The following RASSF5 variants were observed in gnomAD, a reference collection of about 807,000 sequenced individuals.
RASSF5 encodes ras association domain-containing protein 5.
A neutral mutation model predicts 40.5 loss-of-function variants in RASSF5; 25 were observed. The observed-to-expected ratio is 0.62, with a 90% CI of 0.45 to 0.86. The LOEUF is 0.86. Among genes scored for constraint, RASSF5 ranks in the 40% least tolerant of loss-of-function variants. The probability of loss-of-function intolerance (pLI) is 0.00; values close to 1 mark genes in which losing one functional copy is unlikely to be tolerated. For missense variants in RASSF5, 521 were observed against 572.8 expected (o/e 0.91, Z 0.92); for synonymous variants, 246 against 252.4 (o/e 0.97, Z 0.24).
At chr1:206,585,119 A>G in intron 4 of RASSF5, 61 bp from the exon 5 acceptor site, 1 of 1,292,898 alleles carries the variant, frequency 7.7e-7, no homozygotes, top group South Asian at 1.2e-5. Flanking sequence ...CCTTTCCCGC[A>G]AGCCTGGGCC....
chr1:206,555,762 C>CCAGGCACTCG (rs1205278644), intron 2 of RASSF5, among the ~76,000 whole-genome samples: 4 of 152,200 alleles, frequency 2.6e-5, no homozygotes, highest in African/African-American at 9.7e-5. Flanking sequence ...TTTGTGCCTG[C>CCAGGCACTCG]CAGGCACTCG....
At position 206,587,876 on chromosome 1, in the gene RASSF5, TG is replaced by T. The variant is rs1669183588; in HGVS notation, c.*899del. ...GCAATGCAGAGAAAGGTGTCCAAGCTGTCTTCAGCCTTCCCCAGCTAAAGAG... is the reference window on the plus strand; with the variant it reads ...GCAATGCAGAGAAAGGTGTCCAAGCTTCTTCAGCCTTCCCCAGCTAAAGAG... On this transcript the variant is annotated 3_prime_UTR_variant, in exon 6 of 6. Coordinates refer to ENST00000579436, the MANE Select transcript of RASSF5 (RefSeq NM_182663.4). The T allele has an allele frequency of 6.5e-6, 1 of 152,864 alleles. No individual in the cohort carries two copies. The highest frequency in any genetic ancestry group is 1.5e-5 in the Non-Finnish European group (1 of 68,112). The allele number at this position is 152,864 out of a possible 1,614,324, so 9.5% of individuals were successfully genotyped here.
Position 206,507,826 on chromosome 1 carries a change from G to A in RASSF5, c.224G>A (p.Arg75Gln), listed in dbSNP as rs1228541045. Residue 75 changes from arginine (R) to glutamine (Q), a missense_variant, in exon 1 of 6, where the codon CGG becomes CAG. By Grantham distance (43) the Arg-to-Gln change is conservative. Around this residue, in one of 2 missense-constraint regions of RASSF5, gnomAD observed 237 missense variants for 212.0 expected, o/e 1.12. Transcript: ENST00000579436. ...AARGNLEPPP[R>Q]ASRPARPLRP... ...CGGGGGAACCTGGAGCCCCCGCCCC[G>A]GGCCTCCCGACCCGCTCGCCCGCTC... is the stretch of plus-strand genomic sequence containing the variant. 1.4e-5 allele frequency: 20 copies of A among 1,420,742 alleles called. No individual in the cohort carries two copies. In the Middle Eastern group the frequency reaches 7.4e-4, roughly 53 times the overall value. 88.0% of individuals were successfully genotyped at this position (1,420,742 alleles called of 1,614,324 possible).
intron 1 of RASSF5, among the ~76,000 whole-genome samples, chr1:206,519,471 G>T (rs766512536): frequency 2.0e-4 from 30 of 152,196 alleles, no homozygotes; most frequent in Non-Finnish European, 3.7e-4. Flanking sequence ...ATGGGAAGGG[G>T]ATTATTCTGT....
At position 206,531,447 on chromosome 1, in the gene RASSF5, G is replaced by A. The variant is rs1667234856; in HGVS notation, c.458-6725G>A. 6.6e-6 allele frequency among the ~76,000 whole-genome samples: 1 copy of A among 152,204 alleles called. No individual in the cohort carries two copies. The highest frequency in any genetic ancestry group is 2.4e-5 in the African/African-American group (1 of 41,450). On this transcript the variant is annotated intron_variant, in intron 1 of 5. Coordinates refer to ENST00000579436, the MANE Select transcript of RASSF5 (RefSeq NM_182663.4). This position sits in a 1 kb window ranked among gnomAD's most constrained non-coding sequence, Gnocchi z 4.7. ...CATCTTGGGGCCAGGTTGAGAGGCG[G>A]TATCCTAGCTGGGGGAGCTGGCAGG...
chr1:206,538,925 A>T (rs372133418), intron 2 of RASSF5, among the ~76,000 whole-genome samples: 3 of 152,232 alleles, frequency 2.0e-5, no homozygotes, highest in African/African-American at 7.2e-5. Context: ...AATAAATGCT[A>T]CGTCACAATT....
chr1:206,582,484 T>C (rs1228258040), intron 2 of RASSF5, among the ~76,000 whole-genome samples: 2 of 152,204 alleles, frequency 1.3e-5, no homozygotes, highest in African/African-American at 4.8e-5. Context: ...GGTAATAAAC[T>C]ATCTTACAGA....
intron 2 of RASSF5, among the ~76,000 whole-genome samples, chr1:206,569,734 T>A (rs868992005): frequency 2.6e-4 from 39 of 152,360 alleles, no homozygotes; most frequent in Middle Eastern, 3.4e-3. Context: ...TCTGTGCCCC[T>A]GACCTTTCTG....
intron 1 of RASSF5, among the ~76,000 whole-genome samples, chr1:206,532,099 A>G (rs1477443838): frequency 1.3e-5 from 2 of 152,152 alleles, no homozygotes; most frequent in African/African-American, 4.8e-5. Flanking sequence ...TCCAATGCAT[A>G]TTATTTTTTC....
chr1:206,508,170 G>A, intron 1 of RASSF5, 111 bp downstream of exon 1: 1 of 838,094 alleles, frequency 1.2e-6, no homozygotes, highest in Non-Finnish European at 1.7e-6. Flanking sequence ...TTGGCTCCAG[G>A]GGAGCCCCGA....
chr1:206,553,379 G>C (rs941847430), intron 2 of RASSF5, among the ~76,000 whole-genome samples: 2 of 152,140 alleles, frequency 1.3e-5, no homozygotes, highest in Non-Finnish European at 2.9e-5. Context: ...GCAATAAAAA[G>C]GTAGGGGGTT....
At chr1:206,519,754 T>C (rs1331888182) in intron 1 of RASSF5, among the ~76,000 whole-genome samples, 1 of 152,210 alleles carries the variant, frequency 6.6e-6, no homozygotes, top group East Asian at 1.9e-4. Flanking sequence ...TTTTTAAAAA[T>C]AGGATCTTGA....
chr1:206,574,555 A>T (rs1668565055), intron 2 of RASSF5, among the ~76,000 whole-genome samples: 1 of 152,036 alleles, frequency 6.6e-6, no homozygotes, highest in African/African-American at 2.4e-5. Context: ...AATACACCCT[A>T]CCAGAGCTGC....
chr1:206,570,960 T>C (rs142741341), intron 2 of RASSF5, among the ~76,000 whole-genome samples: 331 of 152,296 alleles, frequency 2.2e-3, no homozygotes, highest in African/African-American at 7.7e-3. Context: ...CCCAGAAGTG[T>C]AATTGCTGGA....
At position 206,507,815 on chromosome 1, in the gene RASSF5, G is replaced by T; in HGVS notation, c.213G>T (p.Glu71Asp). The T allele has an allele frequency of 2.1e-6, 3 of 1,403,916 alleles. No individual in the cohort carries two copies. Among genetic ancestry groups the T allele is most frequent in the Middle Eastern group, 2.6e-4 (1 of 3,906 alleles). 87.0% of individuals were successfully genotyped at this position (1,403,916 alleles called of 1,614,324 possible). The stretch of plus-strand genomic sequence containing the variant: ...GGAGGGCTGCCCGGGGGAACCTGGA[G>T]CCCCCGCCCCGGGCCTCCCGACCCG... The part of the protein sequence containing the change: ...SARRAARGNL[E>D]PPPRASRPAR... Residue 71 changes from glutamate (E) to aspartate (D), a missense_variant, in exon 1 of 6, where the codon GAG becomes GAT. This residue lies in a region of RASSF5 where 237 missense variants were observed against 212.0 expected (regional missense o/e 1.12). Coordinates refer to ENST00000579436, the MANE Select transcript of RASSF5 (RefSeq NM_182663.4).
intron 2 of RASSF5, among the ~76,000 whole-genome samples, chr1:206,559,151 C>A (rs1668073605): frequency 6.6e-6 from 1 of 152,306 alleles, no homozygotes; most frequent in East Asian, 1.9e-4. Flanking sequence ...TGAAAAGCCC[C>A]CCAGGTAATT....
At chr1:206,570,555 A>G (rs1553404051) in intron 2 of RASSF5, among the ~76,000 whole-genome samples, 1 of 141,466 alleles carries the variant, frequency 7.1e-6, no homozygotes, top group Non-Finnish European at 1.5e-5. Context: ...GTAACTCACT[A>G]TTTTCCCCTC....
In RASSF5 at chr1:206,584,591, A is replaced by T; in HGVS notation, c.895A>T (p.Ser299Cys). 6.2e-7 allele frequency: 1 copy of T among 1,614,244 alleles called. No individual in the cohort carries two copies. Among genetic ancestry groups the T allele is most frequent in the Non-Finnish European group, 8.5e-7 (1 of 1,180,044 alleles). ...QLHISSTTTV[S>C]EVIQGLLKKF... is the part of the protein sequence containing the mutation. ...GCACATCAGCAGCACCACCACCGTC[A>T]GTGAGGTCATCCAGGGGCTGCTCAA... The change falls in exon 4 of 6, where the codon AGT becomes TGT. Residue 299 changes from serine to cysteine, a missense_variant. By Grantham distance (112) the Ser-to-Cys change is moderately radical. Coordinates refer to ENST00000579436, the MANE Select transcript of RASSF5 (RefSeq NM_182663.4). This position sits in a 1 kb window ranked among gnomAD's most constrained non-coding sequence, Gnocchi z 4.9.
chr1:206,522,452 C>T (rs1046237916), intron 1 of RASSF5, among the ~76,000 whole-genome samples: 17 of 152,140 alleles, frequency 1.1e-4, no homozygotes, highest in South Asian at 4.1e-4. Flanking sequence ...GCAGCGTGAG[C>T]GTTTTCTGAT....
Sources: allele counts gnomAD v4.1 joint callset (sites outside exome capture counted in the v4.1 genomes callset), GRCh38; gene constraint gnomAD v4.1.1; regional missense constraint gnomAD v4.1.1; non-coding constraint Gnocchi (gnomAD v3.1); transcripts MANE v1.5; gene names NCBI Gene and HGNC (gene_info 2026-07-23, HGNC 2026-07-21).